SPATA13: variants seen among roughly 807,000 people sequenced by gnomAD.
The protein encoded by SPATA13 is spermatogenesis-associated protein 13.
In SPATA13, 50 loss-of-function variants were observed where a neutral mutation model predicts 104.0. That is an observed-to-expected ratio of 0.48 (90% CI 0.38 to 0.61). The LOEUF (loss-of-function observed/expected upper bound fraction) is 0.61. SPATA13 is among the 20% of genes least tolerant of loss of function. The pLI is 0.00. For synonymous variants in SPATA13, 606 were observed against 667.5 expected, an observed-to-expected ratio of 0.91 and a Z score of 1.42; for missense variants, 1,524 against 1,690.6, an observed-to-expected ratio of 0.90 and a Z score of 1.73.
intron 1 of SPATA13, among the ~76,000 whole-genome samples, chr13:24,167,344 C>G (rs1290557857): frequency 6.6e-6 from 1 of 152,142 alleles, no homozygotes; most frequent in Non-Finnish European, 1.5e-5. Context: ...GGTCGTGGTC[C>G]TCTCCTTTGG....
intron 3 of SPATA13, among the ~76,000 whole-genome samples, chr13:24,091,010 G>A (rs61945478): frequency 6.6e-6 from 1 of 152,096 alleles, no homozygotes; most frequent in Non-Finnish European, 1.5e-5. Flanking sequence ...TGTAGCTCCC[G>A]AAGTCTCTGC....
chr13:24,166,897 A>T (rs2138497450), intron 1 of SPATA13, among the ~76,000 whole-genome samples: 1 of 152,362 alleles, frequency 6.6e-6, no homozygotes, highest in Non-Finnish European at 1.5e-5. Context: ...ACTTCTTCAC[A>T]TCATCACCTT....
chr13:24,002,369 T>C (rs1420017047), intron 2 of SPATA13, among the ~76,000 whole-genome samples: 1 of 151,786 alleles, frequency 6.6e-6, no homozygotes, highest in Non-Finnish European at 1.5e-5. Context: ...GTGTTCAGAG[T>C]CAGAAGCATT....
At chr13:24,154,692 G>C (rs1405500498) in intron 3 of SPATA13, among the ~76,000 whole-genome samples, 3 of 152,164 alleles carry the variant, frequency 2.0e-5, no homozygotes, top group Non-Finnish European at 4.4e-5. Context: ...AGGAGTCTGG[G>C]CACAGCTTAG....
At position 24,122,087 on chromosome 13, in the gene SPATA13, C is replaced by A. The variant is rs1290454813; in HGVS notation, c.-111-100732C>A. 16 of 1,605,002 alleles carry A rather than the reference C, an allele frequency of 1.0e-5. No homozygotes were observed. The African/African-American group carries it at 1.6e-4, about 16-fold the overall frequency. On this transcript the variant is annotated intron_variant, in intron 3 of 14. Coordinates refer to the SPATA13 transcript ENST00000424834. Reference sequence around the variant, plus strand: ...AACTCAATTCATCCCTGGTGCTGGGCCTCCAAAATTGAAAGAACTTGGCAC... The same window carrying A: ...AACTCAATTCATCCCTGGTGCTGGGACTCCAAAATTGAAAGAACTTGGCAC...
At chr13:24,300,585 T>A in intron 12 of SPATA13, 110 bp downstream of exon 12, 1 of 983,248 alleles carries the variant, frequency 1.0e-6, no homozygotes, top group Non-Finnish European at 1.6e-6. Context: ...AGGAGAACAG[T>A]AGAAGTTAGA....
In SPATA13 at chr13:24,286,604, C is replaced by T. The variant is rs1875965445; in HGVS notation, c.2482-161C>T. Among the ~76,000 whole-genome samples, 3 of 152,112 alleles carry T rather than the reference C, an allele frequency of 2.0e-5. No homozygotes were observed. The highest frequency in any genetic ancestry group is 4.4e-5 in the Non-Finnish European group (3 of 68,012). On this transcript the variant is annotated intron_variant, in intron 6 of 12. Coordinates refer to ENST00000382108, the MANE Select transcript of SPATA13 (RefSeq NM_001166271.3). This position sits in a 1 kb window ranked among gnomAD's most constrained non-coding sequence, Gnocchi z 4.9. ...TGTTTCTCTGTGGTCCTCGTGCCTG[C>T]TGGCATAGCCGCAGCCCTGCTGAGG... is the stretch of plus-strand genomic sequence containing the variant.
At chr13:24,126,220 G>A (rs974025063) in intron 3 of SPATA13, among the ~76,000 whole-genome samples, 29 of 152,202 alleles carry the variant, frequency 1.9e-4, no homozygotes, top group Non-Finnish European at 3.2e-4. Context: ...AGGAGCCATG[G>A]GGAGCCTTTG....
At chr13:24,183,660 G>A (rs867676007) in intron 1 of SPATA13, among the ~76,000 whole-genome samples, 1 of 149,244 alleles carries the variant, frequency 6.7e-6, no homozygotes, top group Non-Finnish European at 1.5e-5. Flanking sequence ...TATTTTATGC[G>A]TGGCCCAAGA....
At chr13:24,148,303 C>T (rs919953824) in intron 3 of SPATA13, among the ~76,000 whole-genome samples, 1 of 152,122 alleles carries the variant, frequency 6.6e-6, no homozygotes. Flanking sequence ...CTCAGTCCTA[C>T]TTTCATGAGC....
chr13:24,252,764 A>G (rs1873567326), intron 4 of SPATA13: 1 of 152,170 alleles, frequency 6.6e-6, no homozygotes, highest in Non-Finnish European at 1.5e-5. Flanking sequence ...AAGGGAATTT[A>G]TTGGAAGGGG....
intron 3 of SPATA13, among the ~76,000 whole-genome samples, chr13:24,103,070 A>G (rs921408472): frequency 2.6e-5 from 4 of 152,334 alleles, no homozygotes; most frequent in Admixed American, 6.5e-5. Flanking sequence ...ATGAAAAATA[A>G]TAAATCAGAT....
intron 2 of SPATA13, among the ~76,000 whole-genome samples, chr13:24,012,587 G>T (rs1876520013): frequency 6.6e-6 from 1 of 152,222 alleles, no homozygotes; most frequent in South Asian, 2.1e-4. Context: ...TCCCCTCTCA[G>T]GGGCTCCCCT....
chr13:23,982,658 A>AT, intron 1 of SPATA13, among the ~76,000 whole-genome samples: 1 of 152,240 alleles, frequency 6.6e-6, no homozygotes, highest in Middle Eastern at 3.4e-3. Flanking sequence ...CATATGAAAT[A>AT]TTTTTCAATG....
chr13:24,230,828 G>A (rs1253213455), intron 2 of SPATA13, among the ~76,000 whole-genome samples: 3 of 152,100 alleles, frequency 2.0e-5, no homozygotes, highest in Non-Finnish European at 4.4e-5. Context: ...GAAGGGCCTC[G>A]CTTACAGCTG....
At chr13:23,993,718 G>A (rs1225228043) in intron 2 of SPATA13, among the ~76,000 whole-genome samples, 2 of 152,138 alleles carry the variant, frequency 1.3e-5, no homozygotes, top group East Asian at 1.9e-4. Flanking sequence ...AGAGGGAGAG[G>A]AAGCATCCAG....
At chr13:24,058,284 G>C (rs572975990) in intron 3 of SPATA13, among the ~76,000 whole-genome samples, 33 of 151,826 alleles carry the variant, frequency 2.2e-4, no homozygotes, top group Non-Finnish European at 3.4e-4. Context: ...TATCAGATTA[G>C]ATTAACAATG....
At chr13:24,136,971 A>G (rs1881592719) in intron 3 of SPATA13, among the ~76,000 whole-genome samples, 1 of 100,444 alleles carries the variant, frequency 1.0e-5, no homozygotes, top group African/African-American at 3.5e-5. Context: ...CTGGGACTAC[A>G]GGCGCCCGCC....
At chr13:24,067,749 G>A (rs1436853622) in intron 3 of SPATA13, among the ~76,000 whole-genome samples, 1 of 152,168 alleles carries the variant, frequency 6.6e-6, no homozygotes, top group Admixed American at 6.5e-5. Context: ...CTGTCGCCTA[G>A]GCTGGAGTGC....
Sources: allele counts gnomAD v4.1 joint callset (sites outside exome capture counted in the v4.1 genomes callset), GRCh38; gene constraint gnomAD v4.1.1; non-coding constraint Gnocchi (gnomAD v3.1); transcripts MANE v1.5; gene names NCBI Gene and HGNC (gene_info 2026-07-23, HGNC 2026-07-21).